JAZF1: variants seen among roughly 807,000 people sequenced by gnomAD.
JAZF1 encodes the protein juxtaposed with another zinc finger protein 1.
JAZF1 carries 8 observed loss-of-function variants against 26.4 expected under a neutral mutation model. The observed-to-expected ratio is 0.30, with a 90% CI of 0.18 to 0.55. The LOEUF is 0.55. JAZF1 is among the 20% of genes least tolerant of loss of function. The pLI, the probability that JAZF1 is intolerant of heterozygous loss-of-function variation, is 0.94. For missense variants in JAZF1, 199 were observed against 322.0 expected (o/e 0.62, Z 2.92); for synonymous variants, 126 against 122.3 (o/e 1.03, Z -0.20).
At chr7:28,139,235 G>A (rs955352844) in intron 1 of JAZF1, among the ~76,000 whole-genome samples, 4 of 152,180 alleles carry the variant, frequency 2.6e-5, no homozygotes, top group Non-Finnish European at 4.4e-5. Flanking sequence ...AAACACCAAA[G>A]GAAACTCTTT....
At chr7:27,861,209 G>A (rs1783373105) in intron 3 of JAZF1, among the ~76,000 whole-genome samples, 1 of 152,114 alleles carries the variant, frequency 6.6e-6, no homozygotes, top group Non-Finnish European at 1.5e-5. Flanking sequence ...TCAGCTTCTC[G>A]CTGCTCTCTG....
At chr7:28,161,019 T>C (rs928260068) in intron 1 of JAZF1, among the ~76,000 whole-genome samples, 2 of 152,098 alleles carry the variant, frequency 1.3e-5, no homozygotes, top group Non-Finnish European at 2.9e-5. Context: ...AAGTCTGAAC[T>C]CTGGTTATGT....
At chr7:28,139,371 T>C (rs1421110250) in intron 1 of JAZF1, among the ~76,000 whole-genome samples, 1 of 152,186 alleles carries the variant, frequency 6.6e-6, no homozygotes, top group Non-Finnish European at 1.5e-5. Context: ...CAAAATGTAT[T>C]TCATTTGGAA....
intron 1 of JAZF1, among the ~76,000 whole-genome samples, chr7:28,179,834 C>G (rs1478105907): frequency 2.0e-5 from 3 of 147,480 alleles, no homozygotes; most frequent in Non-Finnish European, 4.5e-5. Context: ...CCACACCTAG[C>G]AACCGGCGCT....
At chr7:28,069,915 C>T (rs956813868) in intron 1 of JAZF1, among the ~76,000 whole-genome samples, 4 of 152,156 alleles carry the variant, frequency 2.6e-5, no homozygotes, top group African/African-American at 9.7e-5. Context: ...GCTCGTTACT[C>T]CCCTGACCTT....
At chr7:27,922,405 T>A (rs527440040) in intron 2 of JAZF1, among the ~76,000 whole-genome samples, 1 of 152,138 alleles carries the variant, frequency 6.6e-6, no homozygotes, top group South Asian at 2.1e-4. Flanking sequence ...CACACCACCA[T>A]GTCTGGCTAA....
chr7:28,061,664 T>A (rs1321635711), intron 1 of JAZF1, among the ~76,000 whole-genome samples: 2 of 152,192 alleles, frequency 1.3e-5, no homozygotes, highest in Non-Finnish European at 2.9e-5. Context: ...CTAAGCCTTA[T>A]GAGATAGAGC....
Position 27,942,347 on chromosome 7 carries a change from T to C in JAZF1, c.189-46931A>G, listed in dbSNP as rs112123434. Reference sequence around the variant, plus strand: ...ATCATTTAGTGCAGTCTCCCCTTTGTAGGTACAAATGTCTTAAAGAATTCA... The same window carrying C: ...ATCATTTAGTGCAGTCTCCCCTTTGCAGGTACAAATGTCTTAAAGAATTCA... On this transcript the variant is annotated intron_variant, in intron 2 of 4. Coordinates refer to ENST00000283928, the MANE Select transcript of JAZF1 (RefSeq NM_175061.4). Among the ~76,000 whole-genome samples the C allele has an allele frequency of 8.5e-3, 1,300 of 152,324 alleles. 24 individuals carry two copies. The highest frequency in any genetic ancestry group is 0.03 in the African/African-American group (1,233 of 41,578).
intron 1 of JAZF1, among the ~76,000 whole-genome samples, chr7:27,993,089 T>C (rs917409599): frequency 6.6e-6 from 1 of 152,252 alleles, no homozygotes; most frequent in African/African-American, 2.4e-5. Flanking sequence ...AGATTAAAAC[T>C]GGACAGTAGT....
At chr7:27,905,911 A>C (rs1445095270) in intron 2 of JAZF1, among the ~76,000 whole-genome samples, 3 of 152,222 alleles carry the variant, frequency 2.0e-5, no homozygotes, top group Admixed American at 2.0e-4. Flanking sequence ...AAAAGCCACA[A>C]TATAAAATTT....
At position 28,180,368 on chromosome 7, in the gene JAZF1, C is replaced by T. The variant is rs1783624817; in HGVS notation, c.115+95G>A. 7 of 915,404 alleles carry T rather than the reference C, an allele frequency of 7.6e-6. No homozygotes were observed. In the South Asian group the frequency reaches 8.7e-5, roughly 11 times the overall value. 56.7% of individuals were successfully genotyped at this position (915,404 alleles called of 1,614,324 possible). A position where few individuals can be genotyped will look rare whatever the true frequency, so the allele number is the denominator to read the frequency against. On this transcript the variant is annotated intron_variant, in intron 1 of 4. Transcript: ENST00000283928. Reference sequence around the variant, plus strand: ...CGCGCCCTCCCCGCCCTGCCGCCTCCCTCCCCGCCGGCCACCCCTGGCCAT... The same window carrying T: ...CGCGCCCTCCCCGCCCTGCCGCCTCTCTCCCCGCCGGCCACCCCTGGCCAT...
chr7:28,088,843 C>T (rs988503089), intron 1 of JAZF1, among the ~76,000 whole-genome samples: 1 of 152,206 alleles, frequency 6.6e-6, no homozygotes, highest in African/African-American at 2.4e-5. Flanking sequence ...CATAATCTCT[C>T]TCAGGATAAA....
rs76848194 is a variant in JAZF1, at chr7:27,920,292, C to T, written c.189-24876G>A. Among the ~76,000 whole-genome samples the T allele has an allele frequency of 5.0e-3, 767 of 152,128 alleles. 5 individuals are homozygous for T. The highest frequency in any genetic ancestry group is 0.013 in the African/African-American group (532 of 41,484). On this transcript the variant is annotated intron_variant, in intron 2 of 4. Coordinates refer to ENST00000283928, the MANE Select transcript of JAZF1 (RefSeq NM_175061.4). ...CTGCAGTAAATAAGTACAGAGTGAT[C>T]GATTTGTTCTTGATATCTCAAGGGA...
intron 1 of JAZF1, among the ~76,000 whole-genome samples, chr7:28,101,505 G>A (rs1363325357): frequency 6.7e-6 from 1 of 148,636 alleles, no homozygotes; most frequent in African/African-American, 2.5e-5. Flanking sequence ...TTGAGAGGTT[G>A]AGGTAGAGGA....
At chr7:28,001,852 C>A (rs995106740) in intron 1 of JAZF1, among the ~76,000 whole-genome samples, 1 of 151,622 alleles carries the variant, frequency 6.6e-6, no homozygotes, top group Non-Finnish European at 1.5e-5. Flanking sequence ...ATATAAGATT[C>A]GATGAAAAAG....
At chr7:28,173,318 A>G (rs1783500778) in intron 1 of JAZF1, among the ~76,000 whole-genome samples, 1 of 152,212 alleles carries the variant, frequency 6.6e-6, no homozygotes, top group Admixed American at 6.5e-5. Context: ...CATAGGAAAT[A>G]CTCAAAAATG....
chr7:27,867,528 A>G (rs1408876305), intron 3 of JAZF1, among the ~76,000 whole-genome samples: 1 of 152,194 alleles, frequency 6.6e-6, no homozygotes, highest in Non-Finnish European at 1.5e-5. Flanking sequence ...TGGCTTCCTA[A>G]CAGGGCAGCT....
At chr7:28,078,585 C>T (rs977966647) in intron 1 of JAZF1, among the ~76,000 whole-genome samples, 9 of 152,090 alleles carry the variant, frequency 5.9e-5, no homozygotes, top group African/African-American at 1.9e-4. Context: ...AATTGCCAGG[C>T]GAATAGAGAG....
chr7:27,910,284 C>T (rs990161233), intron 2 of JAZF1, among the ~76,000 whole-genome samples: 2 of 152,176 alleles, frequency 1.3e-5, no homozygotes, highest in African/African-American at 2.4e-5. Flanking sequence ...CTCCTAGCCA[C>T]CTTTCCCCTA....
Sources: gnomAD v4.1 joint callset for allele counts (sites outside exome capture counted in the v4.1 genomes callset) on GRCh38, gnomAD v4.1.1 for gene constraint, MANE v1.5 for transcripts, NCBI Gene and HGNC (gene_info 2026-07-23, HGNC 2026-07-21) for gene names.